BRSK2: variants seen among roughly 807,000 people sequenced by gnomAD.
The protein encoded by BRSK2 is serine/threonine-protein kinase BRSK2.
In BRSK2, 19 loss-of-function variants were observed where a neutral mutation model predicts 83.3. The ratio of observed to expected loss-of-function variants is 0.23; its 90% CI spans 0.16 to 0.33. The LOEUF is 0.33. BRSK2 is among the 10% of genes least tolerant of loss of function. BRSK2 has a pLI of 1.00. For synonymous variants in BRSK2, 519 were observed against 435.4 expected (o/e 1.19, Z -2.39); for missense variants, 798 against 1,042.3 (o/e 0.77, Z 3.23).
At chr11:1,400,499 A>G (rs966394945) in intron 1 of BRSK2, among the ~76,000 whole-genome samples, 2 of 152,184 alleles carry the variant, frequency 1.3e-5, no homozygotes, top group Non-Finnish European at 1.5e-5. Context: ...CTGACCCTGT[A>G]TAGCGGCCGT....
At chr11:1,458,972 C>G (rs1847025886) in intron 18 of BRSK2, among the ~76,000 whole-genome samples, 1 of 152,154 alleles carries the variant, frequency 6.6e-6, no homozygotes, top group Non-Finnish European at 1.5e-5. Context: ...TGTTCCCTGC[C>G]TCCGCAGCCC....
At chr11:1,443,251 G>A (rs541908149) in intron 6 of BRSK2, 84 bp from the exon 7 acceptor site, 13 of 1,523,842 alleles carry the variant, frequency 8.5e-6, no homozygotes, top group African/African-American at 2.7e-5. Context: ...GCCTGTCCCC[G>A]GGCCGACTCC....
intron 8 of BRSK2, among the ~76,000 whole-genome samples, chr11:1,444,141 A>G (rs1016173800): frequency 2.0e-5 from 3 of 152,068 alleles, no homozygotes; most frequent in Non-Finnish European, 4.4e-5. Context: ...TAAGTTACAC[A>G]AAAGCACTGG....
intron 2 of BRSK2, 116 bp downstream of exon 2, chr11:1,436,250 G>GGGGGGGGGGGGGGGGCC: frequency 1.2e-5 from 2 of 168,876 alleles, no homozygotes; most frequent in Non-Finnish European, 9.5e-6. Flanking sequence ...GGGGGGGCGG[G>GGGGGGGGGGGGGGGGCC]CCCTGCAGGC....
intron 1 of BRSK2, among the ~76,000 whole-genome samples, chr11:1,418,115 T>G (rs1279243332): frequency 3.5e-4 from 48 of 136,664 alleles, no homozygotes; most frequent in African/African-American, 7.3e-4. Flanking sequence ...CTGCTTCTGT[T>G]GGCTGTTTCT....
At chr11:1,398,128 G>A (rs765987437) in intron 1 of BRSK2, among the ~76,000 whole-genome samples, 26 of 152,190 alleles carry the variant, frequency 1.7e-4, no homozygotes, top group Non-Finnish European at 3.7e-4. Flanking sequence ...TCGCCTCTGC[G>A]GGTGTCTTGG....
At chr11:1,453,563 A>C (rs543823884) in intron 15 of BRSK2, among the ~76,000 whole-genome samples, 12 of 152,068 alleles carry the variant, frequency 7.9e-5, no homozygotes, top group East Asian at 7.8e-4. Context: ...GACACTGAGG[A>C]GGCGTCGAGG....
At chr11:1,427,983 G>C (rs1274560188) in intron 1 of BRSK2, among the ~76,000 whole-genome samples, 2 of 152,202 alleles carry the variant, frequency 1.3e-5, no homozygotes, top group Non-Finnish European at 2.9e-5. Context: ...TAGGACCCCA[G>C]GGAAGCTTTA....
At chr11:1,409,343 A>G (rs1365584867) in intron 1 of BRSK2, 1 of 152,208 alleles carries the variant, frequency 6.6e-6, no homozygotes, top group Non-Finnish European at 1.5e-5. Context: ...TCCTTCGCAC[A>G]GGTGTTAGTC....
chr11:1,445,794 C>T lies in BRSK2; in HGVS notation c.1113C>T (p.Asn371=), dbSNP rs1851971344. 6.2e-7 allele frequency: 1 copy of T among 1,612,282 alleles called. No homozygotes were observed. Among genetic ancestry groups the T allele is most frequent in the African/African-American group, 1.3e-5 (1 of 74,936 alleles). The stretch of plus-strand genomic sequence containing the variant: ...AGCGTGTGGACTCCCCGATGCTGAA[C>T]CGGCACGGCAAGCGGCGGCCAGAAC... ...PRKRVDSPML[N]RHGKRRPERK... The change falls in exon 12 of 20, where the codon AAC becomes AAT. Residue 371 remains asparagine (N), a synonymous_variant. Transcript: ENST00000528841.
chr11:1,410,697 G>A, intron 1 of BRSK2: 1 of 985,392 alleles, frequency 1.0e-6, no homozygotes, highest in African/African-American at 1.7e-5. Flanking sequence ...CCACCCTCAG[G>A]AGCCCCCGCC....
At chr11:1,400,256 G>A (rs1205614758) in intron 1 of BRSK2, among the ~76,000 whole-genome samples, 3 of 152,198 alleles carry the variant, frequency 2.0e-5, no homozygotes, top group Non-Finnish European at 4.4e-5. Context: ...CTCCATGGCT[G>A]GGAGCTGTTC....
chr11:1,400,095 A>G (rs1248147131), intron 1 of BRSK2, among the ~76,000 whole-genome samples: 1 of 152,272 alleles, frequency 6.6e-6, no homozygotes, highest in Non-Finnish European at 1.5e-5. Flanking sequence ...TGATTTCTAG[A>G]AACTGGCAGG....
At position 1,460,732 on chromosome 11, in the gene BRSK2, G is replaced by GCA. The variant is rs1830606417; in HGVS notation, c.*10_*11insAC. 2.3e-6 allele frequency: 3 copies of GCA among 1,311,166 alleles called. No individual in the cohort carries two copies. Among genetic ancestry groups the GCA allele is most frequent in the Non-Finnish European group, 3.0e-6 (3 of 1,013,662 alleles). 81.2% of individuals were successfully genotyped at this position (1,311,166 alleles called of 1,614,324 possible). ...GCCGCGAGCAGCCTTAGACACACTA[G>GCA]CCCCCCCCCCCAGCACAGCACTGAC... On this transcript the variant is annotated 3_prime_UTR_variant, in exon 20 of 20. Coordinates refer to ENST00000528841, the MANE Select transcript of BRSK2 (RefSeq NM_001256627.2).
At position 1,418,174 on chromosome 11, in the gene BRSK2, T is replaced by C. The variant is rs530038326; in HGVS notation, c.92-17866T>C. ...TGTCCTGCTTCTGTTGGCTGTTTCT[T>C]CTCTTGTGAGTGGGTCACCTGTGTC... is the stretch of plus-strand genomic sequence containing the variant. On this transcript the variant is annotated intron_variant, in intron 1 of 19. Coordinates refer to ENST00000528841, the MANE Select transcript of BRSK2 (RefSeq NM_001256627.2). 4.7e-5 allele frequency among the ~76,000 whole-genome samples: 7 copies of C among 147,390 alleles called. No individual in the cohort carries two copies. The South Asian group carries it at 1.6e-3, about 33-fold the overall frequency.
intron 15 of BRSK2, among the ~76,000 whole-genome samples, chr11:1,452,286 G>A (rs1489771862): frequency 6.6e-6 from 1 of 152,208 alleles, no homozygotes; most frequent in East Asian, 1.9e-4. Flanking sequence ...TCCACCCAGT[G>A]GCCTTTCTGC....
At chr11:1,434,473 G>T (rs1002008652) in intron 1 of BRSK2, among the ~76,000 whole-genome samples, 2 of 145,420 alleles carry the variant, frequency 1.4e-5, no homozygotes, top group East Asian at 2.2e-4. Flanking sequence ...GTGTCTGGGG[G>T]CACCTAGGAG....
At chr11:1,439,347 T>G (rs12575675) in intron 3 of BRSK2, among the ~76,000 whole-genome samples, 32,533 of 151,574 alleles carry the variant, frequency 0.21, 3,588 homozygotes, top group Middle Eastern at 0.27. Flanking sequence ...AAACCCAGGG[T>G]TGGGGTGTGG....
chr11:1,450,609 G>A lies in BRSK2; in HGVS notation c.1310G>A (p.Arg437Lys), dbSNP rs1039901099. Reference protein sequence around the residue: ...SPRVTPHPSPRGSPLPTPKGT... With the variant: ...SPRVTPHPSPKGSPLPTPKGT... Reference sequence around the variant, plus strand: ...CAGGTGACCCCTCACCCCTCACCAAGGGGCAGTCCCCTCCCCACCCCCAAG... The same window carrying A: ...CAGGTGACCCCTCACCCCTCACCAAAGGGCAGTCCCCTCCCCACCCCCAAG... The change falls in exon 14 of 20, where the codon AGG becomes AAG. Residue 437 changes from arginine to lysine, a missense_variant. Physicochemically the swap from Arg to Lys is conservative, Grantham distance 26 (BLOSUM62 2). Coordinates refer to ENST00000528841, the MANE Select transcript of BRSK2 (RefSeq NM_001256627.2). 9.4e-6 allele frequency: 15 copies of A among 1,589,998 alleles called. No individual in the cohort carries two copies. Among genetic ancestry groups the A allele is most frequent in the African/African-American group, 2.7e-5 (2 of 73,456 alleles).
Sources: gnomAD v4.1 joint callset for allele counts (sites outside exome capture counted in the v4.1 genomes callset) on GRCh38, gnomAD v4.1.1 for gene constraint, MANE v1.5 for transcripts, NCBI Gene and HGNC (gene_info 2026-07-23, HGNC 2026-07-21) for gene names.